The following SGPP2 variants were observed in gnomAD, a reference collection of about 807,000 sequenced individuals.
The protein encoded by SGPP2 is sphingosine 1-phosphate phosphohydrolase 2.
In SGPP2, 30 loss-of-function variants were observed where a neutral mutation model predicts 33.9. That is an observed-to-expected ratio of 0.89 (90% CI 0.66 to 1.20). SGPP2 has a LOEUF of 1.20. Among genes scored for constraint, SGPP2 ranks in the 50% most tolerant of loss-of-function variants. The pLI, the probability that SGPP2 is intolerant of heterozygous loss-of-function variation, is 0.00. For synonymous variants in SGPP2, 233 were observed against 225.0 expected (o/e 1.04, Z -0.32); for missense variants, 458 against 532.1 (o/e 0.86, Z 1.37).
intron 4 of SGPP2, among the ~76,000 whole-genome samples, chr2:222,534,001 G>A (rs554314935): frequency 4.2e-4 from 64 of 152,206 alleles, no homozygotes; most frequent in African/African-American, 1.3e-3. Context: ...GTTGGGATTG[G>A]CATACAGGAG....
chr2:222,509,541 G>C (rs1698494178), intron 2 of SGPP2, among the ~76,000 whole-genome samples: 2 of 152,122 alleles, frequency 1.3e-5, no homozygotes, highest in African/African-American at 4.8e-5. Context: ...GCAGCTCTCT[G>C]GTATGTACTC....
rs1697736865 is a variant in SGPP2, at chr2:222,465,816, C to T, written c.220-8752C>T. ...CATATCCCAGCAGGCAGAGCTGCCT[C>T]CTGCTTGGGGCCTTTCACTAAGTGT... is the stretch of plus-strand genomic sequence containing the variant. On this transcript the variant is annotated intron_variant, in intron 1 of 4. Coordinates refer to ENST00000321276, the MANE Select transcript of SGPP2 (RefSeq NM_152386.4). This position sits in a 1 kb window ranked among gnomAD's most constrained non-coding sequence, Gnocchi z 4.1. Among the ~76,000 whole-genome samples the T allele has an allele frequency of 6.6e-6, 1 of 152,128 alleles. No homozygotes were observed. Among genetic ancestry groups the T allele is most frequent in the African/African-American group, 2.4e-5 (1 of 41,422 alleles).
At chr2:222,512,616 C>T (rs890245154) in intron 2 of SGPP2, among the ~76,000 whole-genome samples, 2 of 152,186 alleles carry the variant, frequency 1.3e-5, no homozygotes, top group East Asian at 1.9e-4. Flanking sequence ...TAAAATTTCT[C>T]TGTGCTCTGC....
intron 2 of SGPP2, among the ~76,000 whole-genome samples, chr2:222,494,801 T>G (rs1367552699): frequency 2.0e-5 from 3 of 152,206 alleles, no homozygotes; most frequent in Non-Finnish European, 4.4e-5. Flanking sequence ...CTCTCTTTTT[T>G]CCCCCCTCTT....
rs1697941154 is a variant in SGPP2 at position 222,476,798 on chromosome 2, GTA to G, written c.378+2076_378+2077del. The stretch of plus-strand genomic sequence containing the variant: ...TGCGTATGTGTGTATACAGGTGTGT[GTA>G]TATCCGTGCGTGTATATAGGTGTGT... On this transcript the variant is annotated intron_variant, in intron 2 of 4. Coordinates refer to ENST00000321276, the MANE Select transcript of SGPP2 (RefSeq NM_152386.4). This position sits in a 1 kb window ranked among gnomAD's most constrained non-coding sequence, Gnocchi z 4.3. 6.6e-6 allele frequency among the ~76,000 whole-genome samples: 1 copy of G among 151,750 alleles called. No individual in the cohort carries two copies. The highest frequency in any genetic ancestry group is 1.5e-5 in the Non-Finnish European group (1 of 67,902).
chr2:222,517,571 T>G (rs1342725994), intron 2 of SGPP2, among the ~76,000 whole-genome samples: 1 of 152,170 alleles, frequency 6.6e-6, no homozygotes. Flanking sequence ...TCCTGGACAC[T>G]GGACAAGAAC....
intron 2 of SGPP2, among the ~76,000 whole-genome samples, chr2:222,500,099 T>C (rs1033308271): frequency 2.0e-5 from 3 of 152,210 alleles, no homozygotes; most frequent in African/African-American, 7.2e-5. Context: ...CCACCACCTG[T>C]GCTTCCAGGC....
In SGPP2 at chr2:222,465,762, G is replaced by A. The variant is rs1697735787; in HGVS notation, c.220-8806G>A. 6.6e-6 allele frequency among the ~76,000 whole-genome samples: 1 copy of A among 152,140 alleles called. No individual in the cohort carries two copies. The highest frequency in any genetic ancestry group is 2.4e-5 in the African/African-American group (1 of 41,424). On this transcript the variant is annotated intron_variant, in intron 1 of 4. Coordinates refer to ENST00000321276, the MANE Select transcript of SGPP2 (RefSeq NM_152386.4). The surrounding 1 kb of genome is among the most constrained non-coding windows in gnomAD (Gnocchi z 4.1). ...TGGGCTTGGTTTCACGTCTGCTCTT[G>A]AGGTCATCTCCTCTCTGTCTCTTTC... is the stretch of plus-strand genomic sequence containing the variant.
At chr2:222,434,161 A>C (rs1697200508) in intron 1 of SGPP2, among the ~76,000 whole-genome samples, 1 of 152,136 alleles carries the variant, frequency 6.6e-6, no homozygotes. Flanking sequence ...AAAATACCAA[A>C]ATTTGGGGCA....
chr2:222,494,359 C>T (rs1698243546), intron 2 of SGPP2, among the ~76,000 whole-genome samples: 1 of 152,172 alleles, frequency 6.6e-6, no homozygotes, highest in Non-Finnish European at 1.5e-5. Flanking sequence ...TTGGAAAGGG[C>T]CCAAAAAGCT....
At chr2:222,461,183 T>C (rs1049171335) in intron 1 of SGPP2, among the ~76,000 whole-genome samples, 9 of 152,246 alleles carry the variant, frequency 5.9e-5, no homozygotes, top group Non-Finnish European at 1.3e-4. Context: ...ATTGAACACA[T>C]GCTGTGTGCC....
intron 2 of SGPP2, 28 bp from the exon 3 acceptor site, chr2:222,521,739 G>T (rs1486366219): frequency 4.4e-6 from 7 of 1,585,798 alleles, no homozygotes; most frequent in Non-Finnish European, 5.1e-6. Flanking sequence ...TATTTGATTA[G>T]ACTTACCTCA....
At chr2:222,485,702 C>T (rs1424481667) in intron 2 of SGPP2, among the ~76,000 whole-genome samples, 1 of 152,144 alleles carries the variant, frequency 6.6e-6, no homozygotes, top group Admixed American at 6.5e-5. Flanking sequence ...GGCTTCTTGC[C>T]TCTGCCTGCC....
intron 1 of SGPP2, among the ~76,000 whole-genome samples, chr2:222,449,663 G>T (rs985016426): frequency 6.6e-6 from 1 of 152,114 alleles, no homozygotes; most frequent in Non-Finnish European, 1.5e-5. Flanking sequence ...TAGAGATGGG[G>T]TTTCACCATG....
At position 222,505,926 on chromosome 2, in the gene SGPP2, C is replaced by T. The variant is rs572229836; in HGVS notation, c.379-15841C>T. Among the ~76,000 whole-genome samples, 3 of 128,002 alleles carry T rather than the reference C, an allele frequency of 2.3e-5. No homozygotes were observed. The South Asian group carries it at 8.1e-4, about 35-fold the overall frequency. 84.0% of individuals were successfully genotyped at this position (128,002 alleles called of 152,430 possible). A position where few individuals can be genotyped will look rare whatever the true frequency, so the allele number is the denominator to read the frequency against. On this transcript the variant is annotated intron_variant, in intron 2 of 4. Coordinates refer to ENST00000321276, the MANE Select transcript of SGPP2 (RefSeq NM_152386.4). ...CTCTAGCCTGGGCTGCTGAGTGAAA[C>T]TCTGTCTCAAAAAAAAAAAAAAAAA...
chr2:222,558,798 T>A lies in SGPP2; in HGVS notation c.1100T>A (p.Leu367Gln), dbSNP rs1285249405. The A allele has an allele frequency of 1.9e-6, 3 of 1,614,072 alleles. No homozygotes were observed. The highest frequency in any genetic ancestry group is 4.5e-5 in the East Asian group (2 of 44,898). Residue 367 changes from leucine to glutamine, a missense_variant, in exon 5 of 5, where the codon CTG becomes CAG. Transcript: ENST00000321276. ...AGGAACAAGGAGGCCAGGCGGAGAC[T>A]GGAGATTGAAGTGCCTTACAAGTTT... Reference protein sequence around the residue: ...VTRNKEARRRLEIEVPYKFVT... With the variant: ...VTRNKEARRRQEIEVPYKFVT...
chr2:222,445,682 G>A (rs953323259), intron 1 of SGPP2, among the ~76,000 whole-genome samples: 15 of 152,288 alleles, frequency 9.8e-5, no homozygotes, highest in African/African-American at 2.9e-4. Flanking sequence ...CAGAGCTGCC[G>A]CTCTCGATGG....
intron 2 of SGPP2, among the ~76,000 whole-genome samples, chr2:222,486,267 T>C (rs1276603255): frequency 6.6e-6 from 1 of 152,212 alleles, no homozygotes. Flanking sequence ...TCTGGACATC[T>C]GCCCTCCCCC....
intron 1 of SGPP2, among the ~76,000 whole-genome samples, chr2:222,435,219 G>A (rs1328279890): frequency 1.3e-5 from 2 of 152,092 alleles, no homozygotes; most frequent in Non-Finnish European, 2.9e-5. Flanking sequence ...ATGTTTGAGA[G>A]CAAGAAGCAT....
Sources: allele counts gnomAD v4.1 joint callset (sites outside exome capture counted in the v4.1 genomes callset), GRCh38; gene constraint gnomAD v4.1.1; non-coding constraint Gnocchi (gnomAD v3.1); transcripts MANE v1.5; gene names NCBI Gene and HGNC (gene_info 2026-07-23, HGNC 2026-07-21).